Variants in CCDC187 observed in about 807,000 individuals in gnomAD.
CCDC187 encodes coiled-coil domain-containing protein 187.
In CCDC187, 32 loss-of-function variants were observed where a neutral mutation model predicts 38.0. That is an observed-to-expected ratio of 0.84 (90% CI 0.64 to 1.13). The LOEUF is 1.13. Ranked by LOEUF, CCDC187 falls within the 50% of genes most tolerant of loss-of-function variation. The pLI is 0.00. For missense variants in CCDC187, 707 were observed against 786.8 expected, an observed-to-expected ratio of 0.90 and a Z score of 1.21; for synonymous variants, 333 against 347.9, an observed-to-expected ratio of 0.96 and a Z score of 0.48.
At chr9:136,282,744 TG>T (rs1831075702) in intron 9 of CCDC187, among the ~76,000 whole-genome samples, 1 of 152,236 alleles carries the variant, frequency 6.6e-6, no homozygotes. Flanking sequence ...GGTCTGGTCA[TG>T]GTGGTGACCC....
chr9:136,282,940 G>A (rs1256371967), intron 9 of CCDC187, among the ~76,000 whole-genome samples: 2 of 152,206 alleles, frequency 1.3e-5, no homozygotes, highest in Non-Finnish European at 2.9e-5. Flanking sequence ...AGAGGGGACA[G>A]ACTCACCCCA....
intron 9 of CCDC187, among the ~76,000 whole-genome samples, chr9:136,283,364 A>T (rs1220855934): frequency 6.6e-6 from 1 of 152,266 alleles, no homozygotes. Context: ...TGGAACCAGC[A>T]GAGGCTGTGT....
chr9:136,265,510 A>C (rs1422248172), intron 17 of CCDC187: 1 of 152,320 alleles, frequency 6.6e-6, no homozygotes, highest in Admixed American at 6.5e-5. Flanking sequence ...GAGGGCGTAC[A>C]TGGCACACGT....
At chr9:136,260,726 C>T (rs1830669223) in intron 19 of CCDC187, among the ~76,000 whole-genome samples, 1 of 152,190 alleles carries the variant, frequency 6.6e-6, no homozygotes, top group Non-Finnish European at 1.5e-5. Context: ...TTGTTGCCTC[C>T]ACCCAAGGGT....
At chr9:136,266,746 GC>G in intron 16 of CCDC187, 1 of 152,388 alleles carries the variant, frequency 6.6e-6, no homozygotes, top group East Asian at 1.9e-4. Context: ...AGCACGTACT[GC>G]CCATTTGCAA....
intron 9 of CCDC187, 38 bp from the exon 10 acceptor site, chr9:136,281,701 C>T (rs956239010): frequency 1.3e-5 from 5 of 398,554 alleles, no homozygotes; most frequent in African/African-American, 4.1e-5. Context: ...GGGCCAGGCC[C>T]GTGGAGGAGA....
chr9:136,251,428 CAG>C lies in CCDC187; in HGVS notation c.*2164_*2165del. ...GAGCCGTGGCTTCCTCTGGTCTGTGCAGCTCAGGTGTGAGACATCCATGCCCA... is the reference window on the plus strand; with the variant it reads ...GAGCCGTGGCTTCCTCTGGTCTGTGCCTCAGGTGTGAGACATCCATGCCCA... On this transcript the variant is annotated 3_prime_UTR_variant, in exon 26 of 26. Transcript: ENST00000638797. 4.7e-6 allele frequency: 1 copy of C among 213,444 alleles called. No homozygotes were observed. Among genetic ancestry groups the C allele is most frequent in the Non-Finnish European group, 9.7e-6 (1 of 103,482 alleles). 13.2% of individuals were successfully genotyped at this position (213,444 alleles called of 1,614,324 possible). A position where few individuals can be genotyped will look rare whatever the true frequency, so the allele number is the denominator to read the frequency against.
At position 136,258,222 on chromosome 9, in the gene CCDC187, A is replaced by G. The variant is rs1554760548; in HGVS notation, c.4366+710T>C. Among the ~76,000 whole-genome samples the G allele has an allele frequency of 6.6e-6, 1 of 152,182 alleles. No individual in the cohort carries two copies. On this transcript the variant is annotated intron_variant, in intron 22 of 25. Transcript: ENST00000638797. This position sits in a 1 kb window ranked among gnomAD's most constrained non-coding sequence, Gnocchi z 4.3. ...CCCCACCAGCCACGCTCTCCTGGGC[A>G]GCCCCACAAGTGCTTCTGATCTCTT... is the stretch of plus-strand genomic sequence containing the variant.
At chr9:136,266,354 G>A (rs1474464420) in intron 16 of CCDC187, 1 of 152,294 alleles carries the variant, frequency 6.6e-6, no homozygotes, top group Non-Finnish European at 1.5e-5. Context: ...GGTCCTCTGG[G>A]GAGGGAGGTG....
chr9:136,267,414 G>A lies in CCDC187; in HGVS notation c.3617C>T (p.Ala1206Val), dbSNP rs76164195. 8.7e-4 allele frequency: 855 copies of A among 985,520 alleles called. 7 individuals are homozygous for A. In the African/African-American group the frequency reaches 0.013, roughly 15 times the overall value. 61.0% of individuals were successfully genotyped at this position (985,520 alleles called of 1,614,324 possible). Residue 1206 changes from alanine to valine, a missense_variant, in exon 16 of 26, where the codon GCG (alanine) becomes GTG (valine). Coordinates refer to ENST00000638797, the MANE Select transcript of CCDC187 (RefSeq NM_001378188.1). The stretch of plus-strand genomic sequence containing the variant: ...TCGATGCTCCAGCCAGGCCAGCTCC[G>A]CGAGCGTTTTCTCCTGGAGCGCCAT... ...REMALQEKTLAELAWLEHRRG... is the reference protein window; with the variant it reads ...REMALQEKTLVELAWLEHRRG...
intron 9 of CCDC187, among the ~76,000 whole-genome samples, chr9:136,284,822 G>C (rs948252196): frequency 6.6e-6 from 1 of 152,092 alleles, no homozygotes; most frequent in South Asian, 2.1e-4. Flanking sequence ...TTAGGTGCTC[G>C]GGAGGGAGCG....
At chr9:136,255,985 G>A (rs1007483798) in intron 24 of CCDC187, among the ~76,000 whole-genome samples, 15 of 152,190 alleles carry the variant, frequency 9.9e-5, no homozygotes, top group South Asian at 2.1e-4. Context: ...CTCCCAGGGG[G>A]TTCGAAGCCG....
At chr9:136,283,627 C>T (rs1831099925) in intron 9 of CCDC187, among the ~76,000 whole-genome samples, 1 of 152,260 alleles carries the variant, frequency 6.6e-6, no homozygotes, top group Non-Finnish European at 1.5e-5. Context: ...GTGCCCAGCC[C>T]TGATGGGAAT....
chr9:136,302,680 C>T, intron 2 of CCDC187, 132 bp downstream of exon 2: 1 of 397,856 alleles, frequency 2.5e-6, no homozygotes, highest in Non-Finnish European at 4.4e-6. Context: ...TCCTAATCCC[C>T]ACCCTGGGGG....
chr9:136,271,247 C>A (rs182633660), intron 14 of CCDC187, among the ~76,000 whole-genome samples: 89 of 152,292 alleles, frequency 5.8e-4, no homozygotes, highest in African/African-American at 2.0e-3. Flanking sequence ...ATGGTCTGGG[C>A]GTGGTGGCTC....
At chr9:136,265,862 G>T in intron 17 of CCDC187, 94 bp downstream of exon 17, 1 of 617,384 alleles carries the variant, frequency 1.6e-6, no homozygotes, top group Non-Finnish European at 2.0e-6. Context: ...CTTTAGCTCT[G>T]TTGCTGGGGA....
rs1010883632 is a variant in CCDC187, at chr9:136,257,028, T to C, written c.4367-187A>G. Among the ~76,000 whole-genome samples, 1 of 152,252 alleles carries C rather than the reference T, an allele frequency of 6.6e-6. No homozygotes were observed. Among genetic ancestry groups the C allele is most frequent in the African/African-American group, 2.4e-5 (1 of 41,464 alleles). On this transcript the variant is annotated intron_variant, in intron 22 of 25. Coordinates refer to ENST00000638797, the MANE Select transcript of CCDC187 (RefSeq NM_001378188.1). This position sits in a 1 kb window ranked among gnomAD's most constrained non-coding sequence, Gnocchi z 4.5. ...TTTGCTCCTAAAATGATCCTGTCAT[T>C]GGACAGTTAGTGATCAAAGTCCCAG...
In CCDC187 at chr9:136,302,443, C is replaced by T. The variant is rs984175610; in HGVS notation, c.625+369G>A. On this transcript the variant is annotated intron_variant, in intron 2 of 25. Transcript: ENST00000638797. Reference sequence around the variant, plus strand: ...CCAGACTTTCCAAATCCCAGGCTGACTTTTTAGGGCGCTCCTGACCTAAGC... The same window carrying T: ...CCAGACTTTCCAAATCCCAGGCTGATTTTTTAGGGCGCTCCTGACCTAAGC... Among the ~76,000 whole-genome samples, 821 of 151,630 alleles carry T rather than the reference C, an allele frequency of 5.4e-3. 4 individuals carry two copies. The highest frequency in any genetic ancestry group is 0.01 in the Middle Eastern group (3 of 294).
intron 23 of CCDC187, 113 bp from the exon 24 acceptor site, chr9:136,256,436 A>T (rs140155200): frequency 9.1e-4 from 345 of 379,400 alleles, no homozygotes; most frequent in South Asian, 7.6e-3. Flanking sequence ...AGGAACAAAG[A>T]CCACTCAAAA....
Sources: allele counts gnomAD v4.1 joint callset (sites outside exome capture counted in the v4.1 genomes callset), GRCh38; gene constraint gnomAD v4.1.1; non-coding constraint Gnocchi (gnomAD v3.1); transcripts MANE v1.5; gene names NCBI Gene and HGNC (gene_info 2026-07-23, HGNC 2026-07-21).